The following ZNF324B variants were observed in gnomAD, a reference collection of about 807,000 sequenced individuals.
The protein encoded by ZNF324B is zinc finger protein 324B.
A neutral mutation model predicts 10.6 loss-of-function variants in ZNF324B; 7 were observed. The ratio of observed to expected loss-of-function variants is 0.66; its 90% CI spans 0.38 to 1.24. The LOEUF (loss-of-function observed/expected upper bound fraction) is 1.24. Ranked by LOEUF, ZNF324B falls within the 50% of genes most tolerant of loss-of-function variation. The probability of loss-of-function intolerance (pLI) is 0.02; values close to 1 mark genes in which losing one functional copy is unlikely to be tolerated. For missense variants in ZNF324B, 640 were observed against 764.7 expected (o/e 0.84, Z 1.92); for synonymous variants, 316 against 321.0 (o/e 0.98, Z 0.17).
chr19:58,424,161 A>G, the ZNF324B span, among the ~76,000 whole-genome samples: 1 of 152,166 alleles, frequency 6.6e-6, no homozygotes, highest in Admixed American at 6.5e-5. Context: ...AGGCAGGAGA[A>G]TAGCTTGAAC....
chr19:58,453,140 G>GGC (rs1017571383), intron 1 of ZNF324B: 1 of 152,348 alleles, frequency 6.6e-6, no homozygotes, highest in Non-Finnish European at 1.5e-5. Context: ...TTGAGGAGGG[G>GGC]GCGCCATGTG....
chr19:58,448,084 T>C (rs1568601233), upstream of ZNF324B, among the ~76,000 whole-genome samples: 1 of 152,182 alleles, frequency 6.6e-6, no homozygotes, highest in Non-Finnish European at 1.5e-5. Context: ...TGAAAACAGA[T>C]GAATATAGTA....
upstream of ZNF324B, among the ~76,000 whole-genome samples, chr19:58,450,884 T>G (rs1258074074): frequency 1.3e-5 from 2 of 152,050 alleles, no homozygotes; most frequent in African/African-American, 4.8e-5. Context: ...CTTAGATTGG[T>G]CCAGAGAAAA....
At chr19:58,423,763 A>C in the ZNF324B span, among the ~76,000 whole-genome samples, 27,114 of 152,162 alleles carry the variant, frequency 0.18, 2,650 homozygotes, top group Non-Finnish European at 0.22. Context: ...ATAAATCCAG[A>C]TATTTACAGC....
the ZNF324B span, among the ~76,000 whole-genome samples, chr19:58,421,612 C>A: frequency 6.6e-6 from 1 of 152,152 alleles, no homozygotes; most frequent in African/African-American, 2.4e-5. Context: ...AACCCCTGAC[C>A]TCGTGATCCG....
At chr19:58,451,427 C>T (rs190207683), upstream of ZNF324B, among the ~76,000 whole-genome samples, 29 of 152,374 alleles carry the variant, frequency 1.9e-4, 1 homozygote, top group East Asian at 5.6e-3. Context: ...CTTGGAAACC[C>T]GCGGCAGCTG....
At chr19:58,440,721 G>C in the ZNF324B span, 25 of 151,990 alleles carry the variant, frequency 1.6e-4, no homozygotes, top group African/African-American at 4.3e-4. Context: ...AGCCGGCCCA[G>C]TGGGACCCTC....
the ZNF324B span, chr19:58,434,575 G>C: frequency 6.2e-7 from 1 of 1,614,078 alleles, no homozygotes; most frequent in Non-Finnish European, 8.5e-7. Context: ...ACACACATGG[G>C]GTATTTCCCC....
chr19:58,425,255 CAA>C, the ZNF324B span, among the ~76,000 whole-genome samples: 10 of 136,374 alleles, frequency 7.3e-5, no homozygotes, highest in Non-Finnish European at 9.6e-5. Flanking sequence ...GACTCCATCT[CAA>C]AAAAAAAAAA....
At chr19:58,452,602 TAGAAAGG>T (rs2052871567) in intron 1 of ZNF324B, 19 of 597,092 alleles carry the variant, frequency 3.2e-5, no homozygotes, top group Non-Finnish European at 4.0e-5. Context: ...CTGCTGTAGA[TAGAAAGG>T]AGAATTGAAA....
In ZNF324B at chr19:58,451,645, C is replaced by T. The variant is rs1193780220; in HGVS notation, c.-66C>T. ...CTGTCACTTGGCTGCTCGCGTCAGG[C>T]CACACCGGTGGTCTGGGCTGTGGCG... On this transcript the variant is annotated 5_prime_UTR_variant, in exon 1 of 4. Transcript: ENST00000336614. The T allele has an allele frequency of 1.9e-6, 1 of 516,600 alleles. No individual in the cohort carries two copies. The highest frequency in any genetic ancestry group is 3.9e-6 in the Non-Finnish European group (1 of 258,788). The allele number at this position is 516,600 out of a possible 1,614,324, so 32.0% of individuals were successfully genotyped here.
the ZNF324B span, among the ~76,000 whole-genome samples, chr19:58,427,439 C>T: frequency 3.5e-4 from 12 of 34,354 alleles, no homozygotes; most frequent in African/African-American, 1.5e-3. Context: ...TCCTTCCTTC[C>T]TTCCTTTCCT....
rs2052927028 is a variant in ZNF324B at position 58,456,736 on chromosome 19, G to A, written c.*157G>A. ...TTGGCTGTGGTTCCATTTGCAGGTG[G>A]GGACAGGATTTGCCAGTTTAGTCAT... On this transcript the variant is annotated 3_prime_UTR_variant, in exon 4 of 4. Transcript: ENST00000336614. This position sits in a 1 kb window ranked among gnomAD's most constrained non-coding sequence, Gnocchi z 4.7. The A allele has an allele frequency of 1.0e-6, 1 of 953,868 alleles. No homozygotes were observed. The allele number at this position is 953,868 out of a possible 1,614,324, so 59.1% of individuals were successfully genotyped here.
At chr19:58,444,163 A>T in the ZNF324B span, 1 of 152,142 alleles carries the variant, frequency 6.6e-6, no homozygotes, top group African/African-American at 2.4e-5. Flanking sequence ...TTTTAAAAAA[A>T]ATTTTCCTGA....
At chr19:58,428,370 T>C in the ZNF324B span, among the ~76,000 whole-genome samples, 2 of 152,236 alleles carry the variant, frequency 1.3e-5, no homozygotes, top group East Asian at 1.9e-4. Context: ...ACATGCCACA[T>C]AGAAATCTGA....
At chr19:58,424,501 T>A in the ZNF324B span, among the ~76,000 whole-genome samples, 1 of 152,162 alleles carries the variant, frequency 6.6e-6, no homozygotes, top group Non-Finnish European at 1.5e-5. Flanking sequence ...CACTAGTCAT[T>A]CAGGAAATGC....
the ZNF324B span, among the ~76,000 whole-genome samples, chr19:58,431,807 T>C: frequency 6.6e-6 from 1 of 152,070 alleles, no homozygotes; most frequent in South Asian, 2.1e-4. Flanking sequence ...CTGGCTAACA[T>C]GGTGAAAACC....
At chr19:58,442,622 A>C in the ZNF324B span, 1 of 150,122 alleles carries the variant, frequency 6.7e-6, no homozygotes, top group Non-Finnish European at 1.5e-5. Context: ...ACAGCTCTTA[A>C]AGGTGGCACA....
upstream of ZNF324B, among the ~76,000 whole-genome samples, chr19:58,449,334 G>T (rs942760268): frequency 2.0e-5 from 3 of 152,246 alleles, no homozygotes; most frequent in Non-Finnish European, 2.9e-5. Context: ...GAGAACCTCT[G>T]GTAGGGCAGT....
Sources: gnomAD v4.1 joint callset for allele counts (sites outside exome capture counted in the v4.1 genomes callset) on GRCh38, gnomAD v4.1.1 for gene constraint, Gnocchi (gnomAD v3.1) non-coding constraint, MANE v1.5 for transcripts, NCBI Gene and HGNC (gene_info 2026-07-23, HGNC 2026-07-21) for gene names.